KHDRBS2: variants seen among roughly 807,000 people sequenced by gnomAD.
The protein encoded by KHDRBS2 is KH RNA binding domain containing, signal transduction associated 2, also known as KH domain-containing, RNA-binding, signal transduction-associated protein 2.
KHDRBS2 carries 26 observed loss-of-function variants against 44.3 expected under a neutral mutation model. The observed-to-expected ratio is 0.59, with a 90% confidence interval of 0.43 to 0.81. The LOEUF (loss-of-function observed/expected upper bound fraction) is 0.81. Ranked by LOEUF, KHDRBS2 falls within the 40% of genes least tolerant of loss-of-function variation. The pLI is 0.00. For missense variants in KHDRBS2, 476 were observed against 433.1 expected, an observed-to-expected ratio of 1.10 and a Z score of -0.88; for synonymous variants, 194 against 151.1, an observed-to-expected ratio of 1.28 and a Z score of -2.08.
chr6:61,733,670 T>C (rs2127561193), intron 6 of KHDRBS2, among the ~76,000 whole-genome samples: 1 of 152,228 alleles, frequency 6.6e-6, no homozygotes, highest in African/African-American at 2.4e-5. Context: ...TAATTATGTG[T>C]GATGAGACTT....
the KHDRBS2 span, among the ~76,000 whole-genome samples, chr6:61,567,425 T>C: frequency 6.6e-6 from 1 of 152,132 alleles, no homozygotes; most frequent in African/African-American, 2.4e-5. Flanking sequence ...CTTCAGCCTA[T>C]TCGTTTGAGA....
rs538806820 is a variant in KHDRBS2, at chr6:61,952,936, C to T, written c.483+25130G>A. Reference sequence around the variant, plus strand: ...CATTCTGTCTTGGGGAGCTCTGTTCCTGTAATATGGTTTCTTTGTATATTC... The same window carrying T: ...CATTCTGTCTTGGGGAGCTCTGTTCTTGTAATATGGTTTCTTTGTATATTC... On this transcript the variant is annotated intron_variant, in intron 4 of 8. Coordinates refer to ENST00000281156, the MANE Select transcript of KHDRBS2 (RefSeq NM_152688.4). 1.3e-3 allele frequency among the ~76,000 whole-genome samples: 204 copies of T among 152,048 alleles called. 1 individual carries two copies. Among genetic ancestry groups the T allele is most frequent in the African/African-American group, 4.6e-3 (192 of 41,514 alleles).
intron 6 of KHDRBS2, among the ~76,000 whole-genome samples, chr6:61,879,605 G>A (rs1170799464): frequency 6.6e-6 from 1 of 151,898 alleles, no homozygotes; most frequent in Non-Finnish European, 1.5e-5. Flanking sequence ...TCTGCCTGTG[G>A]AAATTAGCAT....
At chr6:62,145,709 T>C (rs1344343314) in intron 2 of KHDRBS2, among the ~76,000 whole-genome samples, 1 of 151,908 alleles carries the variant, frequency 6.6e-6, no homozygotes, top group East Asian at 1.9e-4. Context: ...TTCATTGTAA[T>C]CTAACACAGA....
In KHDRBS2 at chr6:61,712,620, A is replaced by G. The variant is rs914255236; in HGVS notation, c.894-15367T>C. Among the ~76,000 whole-genome samples, 5 of 151,892 alleles carry G rather than the reference A, an allele frequency of 3.3e-5. No individual in the cohort carries two copies. The East Asian group carries it at 9.7e-4, about 29-fold the overall frequency. Reference sequence around the variant, plus strand: ...TTGGACCTTTTACTTATTAAGCTATAAAGTCCTGAACATGGCAAACATTTT... The same window carrying G: ...TTGGACCTTTTACTTATTAAGCTATGAAGTCCTGAACATGGCAAACATTTT... On this transcript the variant is annotated intron_variant, in intron 7 of 8. Transcript: ENST00000281156.
the KHDRBS2 span, among the ~76,000 whole-genome samples, chr6:61,582,580 A>T: frequency 6.6e-6 from 1 of 151,768 alleles, no homozygotes; most frequent in Non-Finnish European, 1.5e-5. Context: ...AAAATGTTCC[A>T]GAACTTAAAA....
chr6:61,569,889 C>T, the KHDRBS2 span, among the ~76,000 whole-genome samples: 1 of 152,130 alleles, frequency 6.6e-6, no homozygotes, highest in African/African-American at 2.4e-5. Context: ...AACACCATGC[C>T]AAGGAATTAC....
chr6:61,633,484 A>G, the KHDRBS2 span, among the ~76,000 whole-genome samples: 3 of 152,082 alleles, frequency 2.0e-5, no homozygotes. Context: ...ATACTGGAAA[A>G]AGAAAAAACA....
At chr6:61,620,870 T>C in the KHDRBS2 span, among the ~76,000 whole-genome samples, 10 of 152,350 alleles carry the variant, frequency 6.6e-5, no homozygotes, top group African/African-American at 2.4e-4. Context: ...AAGCTCCTGC[T>C]ACCCATTCTT....
chr6:61,820,170 A>G (rs1789667777), intron 6 of KHDRBS2, among the ~76,000 whole-genome samples: 1 of 152,036 alleles, frequency 6.6e-6, no homozygotes, highest in Admixed American at 6.6e-5. Context: ...CAGTTGTGAA[A>G]AGAGTTGTGG....
At chr6:62,284,881 T>A (rs1452744075) in intron 1 of KHDRBS2, among the ~76,000 whole-genome samples, 6 of 152,184 alleles carry the variant, frequency 3.9e-5, no homozygotes, top group Admixed American at 2.6e-4. Flanking sequence ...GAGGAAGTTA[T>A]CCGTTTTAGT....
intron 6 of KHDRBS2, among the ~76,000 whole-genome samples, chr6:61,888,277 A>G (rs944672570): frequency 1.3e-5 from 2 of 152,088 alleles, no homozygotes; most frequent in African/African-American, 4.8e-5. Flanking sequence ...CTTCTTCCCT[A>G]TGGTTAGAGG....
chr6:61,952,273 G>C (rs1466121405), intron 4 of KHDRBS2, among the ~76,000 whole-genome samples: 1 of 152,002 alleles, frequency 6.6e-6, no homozygotes, highest in East Asian at 1.9e-4. Context: ...GAGCTACACA[G>C]GTCAGAAGCA....
At chr6:62,215,289 T>A (rs1248321655) in intron 1 of KHDRBS2, among the ~76,000 whole-genome samples, 1 of 151,930 alleles carries the variant, frequency 6.6e-6, no homozygotes, top group East Asian at 1.9e-4. Context: ...CTCACTTGCA[T>A]GAAGAGTGTT....
intron 2 of KHDRBS2, among the ~76,000 whole-genome samples, chr6:62,109,023 A>C (rs551122051): frequency 1.2e-4 from 18 of 151,994 alleles, no homozygotes; most frequent in African/African-American, 3.4e-4. Context: ...GGTGCAGCAC[A>C]CCAGCATGGC....
At chr6:62,174,099 G>C (rs1206126701) in intron 2 of KHDRBS2, among the ~76,000 whole-genome samples, 1 of 151,776 alleles carries the variant, frequency 6.6e-6, no homozygotes, top group African/African-American at 2.4e-5. Flanking sequence ...CATGCAAATA[G>C]AAAGGGAGAA....
chr6:62,201,802 A>G (rs998582418), intron 1 of KHDRBS2, among the ~76,000 whole-genome samples: 1 of 152,092 alleles, frequency 6.6e-6, no homozygotes, highest in African/African-American at 2.4e-5. Context: ...TATTTAAAAT[A>G]GATCATCATC....
chr6:62,127,732 T>G (rs1422667408), intron 2 of KHDRBS2, among the ~76,000 whole-genome samples: 3 of 152,184 alleles, frequency 2.0e-5, no homozygotes, highest in African/African-American at 7.2e-5. Context: ...TTGAAGGATT[T>G]TTACTTGTAA....
chr6:61,816,618 G>A (rs1788991159), intron 6 of KHDRBS2: 1 of 451,470 alleles, frequency 2.2e-6, no homozygotes, highest in Non-Finnish European at 4.5e-6. Context: ...CACCCAGTTT[G>A]TGGTACTTCG....
Sources: gnomAD v4.1 joint callset for allele counts (sites outside exome capture counted in the v4.1 genomes callset) on GRCh38, gnomAD v4.1.1 for gene constraint, MANE v1.5 for transcripts, NCBI Gene and HGNC (gene_info 2026-07-23, HGNC 2026-07-21) for gene names.